The following FHIP2A variants were observed in gnomAD, a reference collection of about 807,000 sequenced individuals.
The protein encoded by FHIP2A is FHF complex subunit HOOK interacting protein 2A, also known as family with sequence similarity 160 member B1.
In FHIP2A, 46 loss-of-function variants were observed where a neutral mutation model predicts 93.5. That is an observed-to-expected ratio of 0.49 (90% CI 0.39 to 0.63). The LOEUF is 0.63. Ranked by LOEUF, FHIP2A falls within the 20% of genes least tolerant of loss-of-function variation. The pLI, the probability that FHIP2A is intolerant of heterozygous loss-of-function variation, is 0.00. For missense variants in FHIP2A, 769 were observed against 909.7 expected, an observed-to-expected ratio of 0.85 and a Z score of 1.99; for synonymous variants, 332 against 326.5, an observed-to-expected ratio of 1.02 and a Z score of -0.18.
At chr10:114,891,215 AAC>A (rs1232233227) in intron 16 of FHIP2A, among the ~76,000 whole-genome samples, 3 of 91,896 alleles carry the variant, frequency 3.3e-5, no homozygotes, top group South Asian at 3.4e-4. Flanking sequence ...CAACAACAAC[AAC>A]AAATATATAT....
At chr10:114,828,220 T>G (rs969105704) in intron 1 of FHIP2A, among the ~76,000 whole-genome samples, 4 of 152,192 alleles carry the variant, frequency 2.6e-5, no homozygotes, top group African/African-American at 9.7e-5. Context: ...ATCTAACTCC[T>G]GGAGGGAGGT....
intron 16 of FHIP2A, among the ~76,000 whole-genome samples, chr10:114,895,371 ATTTTCTGCTGAT>A (rs2083996005): frequency 6.6e-6 from 1 of 152,074 alleles, no homozygotes; most frequent in Non-Finnish European, 1.5e-5. Context: ...CTTGCTCTAC[ATTTTCTGCTGAT>A]TTTAGAAATC....
intron 16 of FHIP2A, among the ~76,000 whole-genome samples, chr10:114,877,536 C>A (rs1566385204): frequency 6.6e-6 from 1 of 151,946 alleles, no homozygotes; most frequent in African/African-American, 2.4e-5. Context: ...AAAACCATAG[C>A]GGTTCGGGCC....
At chr10:114,826,226 G>C (rs1378100184) in intron 1 of FHIP2A, among the ~76,000 whole-genome samples, 2 of 152,192 alleles carry the variant, frequency 1.3e-5, no homozygotes, top group African/African-American at 2.4e-5. Flanking sequence ...TGGTCACAAT[G>C]CTTACAGTCT....
chr10:114,846,520 A>C (rs780695102), intron 10 of FHIP2A, 39 bp from the exon 11 acceptor site: 252 of 1,534,660 alleles, frequency 1.6e-4, no homozygotes, highest in Non-Finnish European at 2.0e-4. Flanking sequence ...ACTTATGTAA[A>C]GACATTTTTC....
chr10:114,824,212 C>T (rs1837100976), intron 1 of FHIP2A, among the ~76,000 whole-genome samples: 1 of 152,140 alleles, frequency 6.6e-6, no homozygotes, highest in South Asian at 2.1e-4. Flanking sequence ...TATTTATATC[C>T]TTTACCCATC....
intron 5 of FHIP2A, among the ~76,000 whole-genome samples, chr10:114,839,270 G>A (rs112101930): frequency 0.016 from 2,449 of 152,012 alleles, 75 homozygotes; most frequent in African/African-American, 0.056. Context: ...GGGATTACAG[G>A]TGCGCACCAC....
intron 1 of FHIP2A, among the ~76,000 whole-genome samples, chr10:114,826,663 A>G (rs985690971): frequency 6.6e-6 from 1 of 152,198 alleles, no homozygotes. Flanking sequence ...GGGGAAGGTC[A>G]CTAGGAAAGC....
chr10:114,846,682 C>A lies in FHIP2A; in HGVS notation c.1522C>A (p.Pro508Thr). The change falls in exon 11 of 17, where the codon CCA becomes ACA. Residue 508 changes from proline (P) to threonine (T), a missense_variant. Transcript: ENST00000369248. ...RNYTEYKPLC[P>T]EDKDVVENGL... ...TTATACAGAATATAAACCTTTGTGC[C>A]CAGAAGATAAAGATGTGGTAGAAAA... is the stretch of plus-strand genomic sequence containing the variant. 1 of 1,609,078 alleles carries A rather than the reference C, an allele frequency of 6.2e-7. No homozygotes were observed. The highest frequency in any genetic ancestry group is 8.5e-7 in the Non-Finnish European group (1 of 1,178,844).
At chr10:114,898,369 A>G (rs891448608) in intron 16 of FHIP2A, among the ~76,000 whole-genome samples, 4 of 152,186 alleles carry the variant, frequency 2.6e-5, no homozygotes, top group African/African-American at 2.4e-5. Context: ...GGCCAGGGAC[A>G]TTCATACTCT....
downstream of FHIP2A, among the ~76,000 whole-genome samples, chr10:114,865,648 A>G (rs1308661157): frequency 6.6e-6 from 1 of 152,148 alleles, no homozygotes; most frequent in Non-Finnish European, 1.5e-5. Flanking sequence ...GGAATGCATA[A>G]TTGGATCCCC....
downstream of FHIP2A, among the ~76,000 whole-genome samples, chr10:114,865,745 A>G (rs1566380166): frequency 6.6e-6 from 1 of 152,124 alleles, no homozygotes; most frequent in African/African-American, 2.4e-5. Flanking sequence ...AAGAATTAAC[A>G]TAAAACTGTA....
chr10:114,863,472 A>G lies in FHIP2A; in HGVS notation c.*1932A>G, dbSNP rs1303629413. On this transcript the variant is annotated 3_prime_UTR_variant, in exon 17 of 17. Transcript: ENST00000369248. ...CACTATGGGACCTTATAACTAGTCC[A>G]TGAAACCAAGCTCAGAAAAGCTTTA... 8.9e-7 allele frequency: 1 copy of G among 1,122,700 alleles called. No homozygotes were observed. The highest frequency in any genetic ancestry group is 2.0e-5 in the South Asian group (1 of 49,654). The allele number at this position is 1,122,700 out of a possible 1,614,324, so 69.5% of individuals were successfully genotyped here. A position where few individuals can be genotyped will look rare whatever the true frequency, so the allele number is the denominator to read the frequency against.
chr10:114,832,105 G>A (rs1266297494), intron 2 of FHIP2A, among the ~76,000 whole-genome samples: 2 of 152,102 alleles, frequency 1.3e-5, no homozygotes, highest in Non-Finnish European at 2.9e-5. Context: ...AATGTATTTT[G>A]TATTTAAATG....
chr10:114,869,413 C>A (rs771440449), downstream of FHIP2A, among the ~76,000 whole-genome samples: 28 of 152,152 alleles, frequency 1.8e-4, no homozygotes, highest in Non-Finnish European at 3.5e-4. Flanking sequence ...GTTCTATATT[C>A]TTTGTGGGCT....
intron 15 of FHIP2A, among the ~76,000 whole-genome samples, 160 bp downstream of exon 15, chr10:114,861,049 A>T (rs571959479): frequency 9.8e-5 from 15 of 152,334 alleles, no homozygotes; most frequent in African/African-American, 3.6e-4. Flanking sequence ...AATTATTTTA[A>T]ATAATATGTA....
rs1387907909 is a variant in FHIP2A at position 114,861,323 on chromosome 10, T to C, written c.2181T>C (p.Pro727=). 1.9e-6 allele frequency: 3 copies of C among 1,614,104 alleles called. No individual in the cohort carries two copies. Among genetic ancestry groups the C allele is most frequent in the African/African-American group, 1.3e-5 (1 of 74,944 alleles). The change falls in exon 16 of 17, where the codon CCT becomes CCC. Residue 727 remains proline, a synonymous_variant. Coordinates refer to ENST00000369248, the MANE Select transcript of FHIP2A (RefSeq NM_020940.4). ...LVRKRLLGLE[P]EGPIIDHITL... Reference sequence around the variant, plus strand: ...GAAAGCGGTTACTTGGTTTGGAACCTGAAGGCCCTATGTAAGTTAGTGTTT... The same window carrying C: ...GAAAGCGGTTACTTGGTTTGGAACCCGAAGGCCCTATGTAAGTTAGTGTTT...
intron 16 of FHIP2A, among the ~76,000 whole-genome samples, chr10:114,896,867 T>C (rs576330158): frequency 4.3e-4 from 65 of 152,342 alleles, no homozygotes; most frequent in African/African-American, 1.6e-3. Context: ...GGGTTCACAG[T>C]AGCTTTGCAG....
At chr10:114,843,285 TA>T (rs2083680387) in intron 6 of FHIP2A, 59 bp downstream of exon 6, 7 of 1,109,896 alleles carry the variant, frequency 6.3e-6, no homozygotes, top group Non-Finnish European at 8.4e-6. Context: ...TGTATTTATT[TA>T]TTTTTTTAAT....
Sources: gnomAD v4.1 joint callset for allele counts (sites outside exome capture counted in the v4.1 genomes callset) on GRCh38, gnomAD v4.1.1 for gene constraint, MANE v1.5 for transcripts, NCBI Gene and HGNC (gene_info 2026-07-23, HGNC 2026-07-21) for gene names.